The following MAGI2 variants were observed in gnomAD, a reference collection of about 807,000 sequenced individuals.
MAGI2 encodes membrane-associated guanylate kinase, WW and PDZ domain-containing protein 2.
Under a neutral mutation model 133.3 loss-of-function variants are expected in MAGI2, and 35 were observed. The observed-to-expected ratio is 0.26, with a 90% CI of 0.20 to 0.35. MAGI2 has a LOEUF of 0.35. Among genes scored for constraint, MAGI2 ranks in the 10% least tolerant of loss-of-function variants. The pLI is 1.00. For synonymous variants in MAGI2, 729 were observed against 710.6 expected (o/e 1.03, Z -0.41); for missense variants, 1,636 against 1,863.4 (o/e 0.88, Z 2.25).
At chr7:78,798,729 T>C (rs1787821259) in intron 2 of MAGI2, among the ~76,000 whole-genome samples, 1 of 152,122 alleles carries the variant, frequency 6.6e-6, no homozygotes, top group African/African-American at 2.4e-5. Flanking sequence ...TAAACAATAA[T>C]TTTCTCTCTG....
At chr7:78,896,345 C>T (rs1226745057) in intron 2 of MAGI2, among the ~76,000 whole-genome samples, 1 of 151,794 alleles carries the variant, frequency 6.6e-6, no homozygotes, top group Non-Finnish European at 1.5e-5. Flanking sequence ...AACTTGTCAG[C>T]ACAATACAAA....
intron 1 of MAGI2, among the ~76,000 whole-genome samples, chr7:79,330,180 CTTTTTTTTTTTTTTTTT>C (rs544172383): frequency 6.1e-4 from 36 of 59,128 alleles, no homozygotes; most frequent in South Asian, 9.7e-4. Flanking sequence ...CAATCTGCAT[CTTTTTTTTTTTTTTTTT>C]TTTTTTTTTT....
Position 78,912,983 on chromosome 7 carries a change from G to C in MAGI2, c.418+94107C>G, listed in dbSNP as rs199779960. Among the ~76,000 whole-genome samples, 7 of 151,884 alleles carry C rather than the reference G, an allele frequency of 4.6e-5. No individual in the cohort carries two copies. In the East Asian group the frequency reaches 1.2e-3, roughly 25 times the overall value. On this transcript the variant is annotated intron_variant, in intron 2 of 21. Transcript: ENST00000354212. ...TCCTCAAGAAGAGAAATACAGTTTG[G>C]GGGTGGAGATCAAGAGAAAGCATCT... is the stretch of plus-strand genomic sequence containing the variant.
chr7:79,296,658 A>C (rs1836953713), intron 1 of MAGI2, among the ~76,000 whole-genome samples: 1 of 152,148 alleles, frequency 6.6e-6, no homozygotes, highest in Admixed American at 6.5e-5. Context: ...GATCCTGAAA[A>C]GGATATGTGG....
chr7:78,991,733 A>G lies in MAGI2; in HGVS notation c.418+15357T>C, dbSNP rs537638450. Among the ~76,000 whole-genome samples, 6 of 152,068 alleles carry G rather than the reference A, an allele frequency of 3.9e-5. No homozygotes were observed. In the East Asian group the frequency reaches 9.7e-4, roughly 25 times the overall value. Reference sequence around the variant, plus strand: ...TATCTTAGGCTCTATTTACTAATGGATTTCCACTGAGAAAGCTATGGATCC... The same window carrying G: ...TATCTTAGGCTCTATTTACTAATGGGTTTCCACTGAGAAAGCTATGGATCC... On this transcript the variant is annotated intron_variant, in intron 2 of 21. Transcript: ENST00000354212.
intron 9 of MAGI2, among the ~76,000 whole-genome samples, chr7:78,303,204 C>G (rs1478485745): frequency 6.6e-6 from 1 of 151,818 alleles, no homozygotes; most frequent in African/African-American, 2.4e-5. Context: ...ATGGTGAAAC[C>G]CCGTCTCTAC....
intron 1 of MAGI2, among the ~76,000 whole-genome samples, chr7:79,317,360 C>T (rs866376222): frequency 1.3e-5 from 2 of 152,026 alleles, no homozygotes; most frequent in Non-Finnish European, 1.5e-5. Flanking sequence ...GATTTCCCCT[C>T]ATATGTTATT....
At chr7:78,897,808 G>A (rs1432847699) in intron 2 of MAGI2, among the ~76,000 whole-genome samples, 5 of 151,868 alleles carry the variant, frequency 3.3e-5, no homozygotes, top group Non-Finnish European at 7.4e-5. Context: ...TGATTTCTTT[G>A]TCACTTAAGC....
At chr7:78,615,625 C>G (rs569280773) in intron 3 of MAGI2, 5 of 152,206 alleles carry the variant, frequency 3.3e-5, no homozygotes, top group Non-Finnish European at 7.3e-5. Context: ...AGGTTTCTCT[C>G]GCCAAATACA....
rs182095646 is a variant in MAGI2 at position 78,878,327 on chromosome 7, G to A, written c.418+128763C>T. Among the ~76,000 whole-genome samples, 352 of 152,228 alleles carry A rather than the reference G, an allele frequency of 2.3e-3. 1 individual carries two copies. The highest frequency in any genetic ancestry group is 3.7e-3 in the East Asian group (19 of 5,176). On this transcript the variant is annotated intron_variant, in intron 2 of 21. Transcript: ENST00000354212. ...ATAATTTTAAAATGAGGAGTCCTGC[G>A]TTTTCATTTTACACTGGACCTTGTG...
At chr7:79,328,624 C>A (rs73156018) in intron 1 of MAGI2, among the ~76,000 whole-genome samples, 1 of 152,058 alleles carries the variant, frequency 6.6e-6, no homozygotes, top group African/African-American at 2.4e-5. Context: ...TGCATGCAAG[C>A]CCCTACTGCA....
rs565077947 is a variant in MAGI2, at chr7:79,342,751, A to ATTTG, written c.301+110265_301+110268dup. ...GCACTTTATCTTATTTTATTTATTT[A>ATTTG]TTTGTTTGTTTATTTATTTATTTTT... On this transcript the variant is annotated intron_variant, in intron 1 of 21. Transcript: ENST00000354212. Among the ~76,000 whole-genome samples the ATTTG allele has an allele frequency of 4.8e-4, 73 of 151,554 alleles. No individual in the cohort carries two copies. In the East Asian group the frequency reaches 0.013, roughly 26 times the overall value.
chr7:79,209,585 T>A (rs1474429819), intron 1 of MAGI2, among the ~76,000 whole-genome samples: 3 of 152,120 alleles, frequency 2.0e-5, no homozygotes, highest in East Asian at 3.9e-4. Context: ...GTTTGTTACT[T>A]CCTCTGCCCC....
At chr7:78,779,691 G>C (rs1412750840) in intron 2 of MAGI2, among the ~76,000 whole-genome samples, 2 of 152,214 alleles carry the variant, frequency 1.3e-5, no homozygotes, top group Non-Finnish European at 2.9e-5. Context: ...GATTTTGGTT[G>C]TAGGAGATTA....
intron 10 of MAGI2, among the ~76,000 whole-genome samples, chr7:78,210,966 G>A (rs944039764): frequency 6.6e-6 from 1 of 152,176 alleles, no homozygotes. Context: ...GGTTGAAGAA[G>A]CAGTGTCATA....
intron 2 of MAGI2, among the ~76,000 whole-genome samples, chr7:78,937,983 G>A (rs186097251): frequency 6.6e-5 from 10 of 152,120 alleles, no homozygotes; most frequent in African/African-American, 1.2e-4. Flanking sequence ...TTGATAGAAT[G>A]ATGTGGACGA....
intron 6 of MAGI2, among the ~76,000 whole-genome samples, chr7:78,447,639 C>A (rs1788290401): frequency 6.6e-6 from 1 of 151,940 alleles, no homozygotes; most frequent in Non-Finnish European, 1.5e-5. Flanking sequence ...CCTGGGGACA[C>A]AAACAGAGCA....
chr7:78,024,012 G>C lies in MAGI2; in HGVS notation c.3707-4036C>G, dbSNP rs138337650. On this transcript the variant is annotated intron_variant, in intron 21 of 21. Transcript: ENST00000354212. ...GCAAATACTATACCAGTTCATATAA[G>C]GGACTTGAGCATCTGAACATTTTGA... Among the ~76,000 whole-genome samples the C allele has an allele frequency of 3.5e-3, 539 of 152,288 alleles. 2 individuals are homozygous for C. The highest frequency in any genetic ancestry group is 3.0e-3 in the Non-Finnish European group (202 of 68,016).
chr7:78,331,883 A>C (rs1025134826), intron 9 of MAGI2, among the ~76,000 whole-genome samples: 5 of 152,222 alleles, frequency 3.3e-5, no homozygotes, highest in African/African-American at 1.2e-4. Flanking sequence ...TTTTGTGCAG[A>C]ATAACTTAAA....
Sources: allele counts gnomAD v4.1 joint callset (sites outside exome capture counted in the v4.1 genomes callset), GRCh38; gene constraint gnomAD v4.1.1; transcripts MANE v1.5; gene names NCBI Gene and HGNC (gene_info 2026-07-23, HGNC 2026-07-21).